The following STARD13 variants were observed in gnomAD, a reference collection of about 807,000 sequenced individuals.
The protein encoded by STARD13 is stAR-related lipid transfer protein 13.
In STARD13, 62 loss-of-function variants were observed where a neutral mutation model predicts 106.4. That is an observed-to-expected ratio of 0.58 (90% CI 0.48 to 0.72). The LOEUF (loss-of-function observed/expected upper bound fraction) is 0.72, where lower values mean the gene tolerates loss of function less well. Ranked by LOEUF, STARD13 falls within the 30% of genes least tolerant of loss-of-function variation. The probability of loss-of-function intolerance (pLI) is 0.00; values close to 1 mark genes in which losing one functional copy is unlikely to be tolerated. For missense variants in STARD13, 1,387 were observed against 1,424.0 expected, an observed-to-expected ratio of 0.97 and a Z score of 0.42; for synonymous variants, 565 against 553.0, an observed-to-expected ratio of 1.02 and a Z score of -0.31.
At chr13:33,350,256 C>T (rs1166968674) in intron 1 of STARD13, 24 of 1,510,748 alleles carry the variant, frequency 1.6e-5, no homozygotes, top group East Asian at 2.6e-5. Flanking sequence ...GCCTCCCCCG[C>T]CCCCGTGGGT....
At chr13:33,626,130 AAC>A in the STARD13 span, among the ~76,000 whole-genome samples, 2 of 151,692 alleles carry the variant, frequency 1.3e-5, no homozygotes, top group South Asian at 2.1e-4. Flanking sequence ...CTACATCAGA[AAC>A]ACACACACAC....
the STARD13 span, among the ~76,000 whole-genome samples, chr13:33,462,003 A>G: frequency 7.9e-5 from 12 of 152,194 alleles, no homozygotes; most frequent in South Asian, 1.9e-3. Context: ...AATGAAGAAG[A>G]AACAACTTTG....
the STARD13 span, among the ~76,000 whole-genome samples, chr13:33,427,955 CAAA>C: frequency 4.0e-5 from 4 of 100,912 alleles, no homozygotes; most frequent in African/African-American, 3.7e-5. Flanking sequence ...AACTCCGTCT[CAAA>C]AAAAAAAAAA....
intron 1 of STARD13, among the ~76,000 whole-genome samples, chr13:33,261,697 C>T (rs532649154): frequency 7.9e-5 from 12 of 152,058 alleles, no homozygotes; most frequent in Admixed American, 1.3e-4. Context: ...GGTCATGGCT[C>T]ATAATACGCA....
At chr13:33,352,275 T>C (rs1566155693), upstream of STARD13, among the ~76,000 whole-genome samples, 1 of 152,194 alleles carries the variant, frequency 6.6e-6, no homozygotes, top group African/African-American at 2.4e-5. Context: ...AGAACAAGAC[T>C]CCTGTTGTCT....
At chr13:33,675,060 G>T in the STARD13 span, among the ~76,000 whole-genome samples, 1 of 152,186 alleles carries the variant, frequency 6.6e-6, no homozygotes, top group African/African-American at 2.4e-5. Flanking sequence ...AAACAGCCCA[G>T]CTTCCCTTCC....
At chr13:33,385,100 A>AT in the STARD13 span, among the ~76,000 whole-genome samples, 1 of 147,378 alleles carries the variant, frequency 6.8e-6, no homozygotes, top group East Asian at 2.0e-4. Context: ...GGAAATCCAG[A>AT]TTTTTAGTTT....
At chr13:33,600,988 C>G in the STARD13 span, among the ~76,000 whole-genome samples, 1 of 152,170 alleles carries the variant, frequency 6.6e-6, no homozygotes, top group Non-Finnish European at 1.5e-5. Flanking sequence ...TCTCAAGCAA[C>G]ACTTGGATCA....
intron 1 of STARD13, among the ~76,000 whole-genome samples, chr13:33,311,570 AT>A (rs1286579491): frequency 1.3e-5 from 2 of 152,198 alleles, no homozygotes; most frequent in African/African-American, 4.8e-5. Flanking sequence ...TTATACCATG[AT>A]TTTGAGTATA....
chr13:33,131,616 C>T (rs1878308510), intron 4 of STARD13, among the ~76,000 whole-genome samples: 2 of 152,164 alleles, frequency 1.3e-5, no homozygotes, highest in African/African-American at 4.8e-5. Context: ...CTGTGTTTCT[C>T]TGTTTCATTA....
At chr13:33,448,732 A>G in the STARD13 span, among the ~76,000 whole-genome samples, 1 of 152,148 alleles carries the variant, frequency 6.6e-6, no homozygotes, top group African/African-American at 2.4e-5. Context: ...CCAATGTGTA[A>G]GGGTCCCCTT....
At chr13:33,467,991 C>T in the STARD13 span, among the ~76,000 whole-genome samples, 1 of 152,112 alleles carries the variant, frequency 6.6e-6, no homozygotes, top group African/African-American at 2.4e-5. Flanking sequence ...AGGAATAAGG[C>T]AAGATAAAAT....
the STARD13 span, among the ~76,000 whole-genome samples, chr13:33,549,671 A>T: frequency 1.2e-4 from 18 of 152,368 alleles, no homozygotes; most frequent in East Asian, 3.9e-4. Flanking sequence ...TGGATCAATG[A>T]ATGAATAATT....
chr13:33,367,197 G>A, the STARD13 span, among the ~76,000 whole-genome samples: 351 of 152,284 alleles, frequency 2.3e-3, 1 homozygote, highest in African/African-American at 7.9e-3. Context: ...GCTTTATCAT[G>A]GTTCAAATGA....
At chr13:33,407,191 A>G in the STARD13 span, among the ~76,000 whole-genome samples, 1 of 152,210 alleles carries the variant, frequency 6.6e-6, no homozygotes, top group Admixed American at 6.5e-5. Context: ...TGGTCTCTGA[A>G]TCTGTATTTC....
At chr13:33,360,561 G>A in the STARD13 span, among the ~76,000 whole-genome samples, 8 of 142,696 alleles carry the variant, frequency 5.6e-5, no homozygotes, top group African/African-American at 2.1e-4. Flanking sequence ...TGATCACATC[G>A]TTAGTAAAGG....
chr13:33,655,523 A>G, the STARD13 span, among the ~76,000 whole-genome samples: 1 of 152,106 alleles, frequency 6.6e-6, no homozygotes, highest in Non-Finnish European at 1.5e-5. Flanking sequence ...TCCAGTCCTA[A>G]TCTCTCCAGG....
At chr13:33,330,487 G>A (rs2138557636) in intron 1 of STARD13, among the ~76,000 whole-genome samples, 1 of 152,170 alleles carries the variant, frequency 6.6e-6, no homozygotes, top group South Asian at 2.1e-4. Flanking sequence ...ATATATTTTG[G>A]ATATTAAGAG....
At chr13:33,323,266 T>C (rs1282800168) in intron 1 of STARD13, among the ~76,000 whole-genome samples, 1 of 152,202 alleles carries the variant, frequency 6.6e-6, no homozygotes, top group African/African-American at 2.4e-5. Flanking sequence ...TTGCATATGC[T>C]GTTCCCACTG....
Sources: gnomAD v4.1 joint callset for allele counts (sites outside exome capture counted in the v4.1 genomes callset) on GRCh38, gnomAD v4.1.1 for gene constraint, MANE v1.5 for transcripts, NCBI Gene and HGNC (gene_info 2026-07-23, HGNC 2026-07-21) for gene names.